The following UVRAG variants were observed in gnomAD, a reference collection of about 807,000 sequenced individuals.
UVRAG encodes UV radiation resistance associated, also known as UV radiation resistance-associated gene protein.
A neutral mutation model predicts 78.0 loss-of-function variants in UVRAG; 19 were observed. The observed-to-expected ratio is 0.24, with a 90% CI of 0.17 to 0.36. UVRAG has a LOEUF of 0.36. Ranked by LOEUF, UVRAG falls within the 10% of genes least tolerant of loss-of-function variation. The probability of loss-of-function intolerance (pLI) is 1.00; values close to 1 mark genes in which losing one functional copy is unlikely to be tolerated. For missense variants in UVRAG, 740 were observed against 853.8 expected, an observed-to-expected ratio of 0.87 and a Z score of 1.66; for synonymous variants, 323 against 324.6, an observed-to-expected ratio of 1.00 and a Z score of 0.05.
intron 12 of UVRAG, among the ~76,000 whole-genome samples, chr11:76,031,964 G>A (rs906074975): frequency 2.6e-5 from 4 of 152,094 alleles, no homozygotes; most frequent in East Asian, 3.8e-4. Flanking sequence ...TATTTTATTG[G>A]TGTTGCATGA....
At chr11:75,848,433 T>C (rs1396568657) in intron 1 of UVRAG, among the ~76,000 whole-genome samples, 1 of 152,256 alleles carries the variant, frequency 6.6e-6, no homozygotes, top group Non-Finnish European at 1.5e-5. Flanking sequence ...TGGTTTGTTC[T>C]GTTTATTCGC....
At chr11:75,955,543 C>T (rs1389354905) in intron 6 of UVRAG, among the ~76,000 whole-genome samples, 2 of 151,926 alleles carry the variant, frequency 1.3e-5, no homozygotes, top group African/African-American at 4.8e-5. Context: ...AAAATTCACA[C>T]ACAGTGAAAT....
chr11:75,957,032 G>T (rs1264235472), intron 6 of UVRAG, among the ~76,000 whole-genome samples: 3 of 151,318 alleles, frequency 2.0e-5, no homozygotes, highest in Non-Finnish European at 2.9e-5. Flanking sequence ...TTCCTAATGG[G>T]AGCTTTGTTA....
At chr11:75,830,820 A>T (rs541378228) in intron 1 of UVRAG, among the ~76,000 whole-genome samples, 1 of 152,298 alleles carries the variant, frequency 6.6e-6, no homozygotes, top group South Asian at 2.1e-4. Context: ...CTGTTCTACA[A>T]CATTATTAAT....
chr11:75,976,905 T>C (rs1384838144), intron 7 of UVRAG, among the ~76,000 whole-genome samples: 2 of 152,236 alleles, frequency 1.3e-5, no homozygotes, highest in Non-Finnish European at 2.9e-5. Context: ...TCTTGCCTTC[T>C]GCTAGCTTTT....
intron 1 of UVRAG, among the ~76,000 whole-genome samples, chr11:75,832,693 C>G (rs1945685142): frequency 6.6e-6 from 1 of 152,164 alleles, no homozygotes; most frequent in South Asian, 2.1e-4. Flanking sequence ...GTCTCCCCTC[C>G]CTGGAGGTCA....
chr11:76,048,348 T>G (rs1950802630), intron 12 of UVRAG, among the ~76,000 whole-genome samples: 1 of 152,138 alleles, frequency 6.6e-6, no homozygotes, highest in African/African-American at 2.4e-5. Flanking sequence ...GCAGAACAGG[T>G]AAAGATTAGC....
At chr11:75,899,659 G>A (rs184797546) in intron 5 of UVRAG, among the ~76,000 whole-genome samples, 159 of 152,304 alleles carry the variant, frequency 1.0e-3, no homozygotes, top group Non-Finnish European at 1.6e-3. Flanking sequence ...TAGTGTGACA[G>A]CGTACCAAGT....
At chr11:76,121,012 T>G (rs906263258) in intron 14 of UVRAG, among the ~76,000 whole-genome samples, 3 of 152,236 alleles carry the variant, frequency 2.0e-5, no homozygotes, top group Non-Finnish European at 2.9e-5. Context: ...TATGTTCTTT[T>G]GGTGTTGAGG....
At chr11:76,073,267 A>G (rs1951347384) in intron 13 of UVRAG, among the ~76,000 whole-genome samples, 1 of 152,194 alleles carries the variant, frequency 6.6e-6, no homozygotes, top group Non-Finnish European at 1.5e-5. Context: ...GGAAAAGCAC[A>G]TGTGCAATCG....
intron 13 of UVRAG, among the ~76,000 whole-genome samples, chr11:76,093,868 T>G (rs929640003): frequency 2.0e-5 from 3 of 152,244 alleles, no homozygotes; most frequent in Non-Finnish European, 4.4e-5. Context: ...CCTGCCTGAT[T>G]GCCCTGGCCA....
chr11:76,049,242 C>T (rs1950818742), intron 12 of UVRAG, among the ~76,000 whole-genome samples: 1 of 152,176 alleles, frequency 6.6e-6, no homozygotes, highest in Non-Finnish European at 1.5e-5. Context: ...CTGAGCATGA[C>T]AGTGGATTTT....
At chr11:76,102,150 G>T (rs1292408360) in intron 13 of UVRAG, among the ~76,000 whole-genome samples, 1 of 152,184 alleles carries the variant, frequency 6.6e-6, no homozygotes, top group Admixed American at 6.5e-5. Flanking sequence ...AATAGCAATT[G>T]AATCTATAAA....
intron 8 of UVRAG, among the ~76,000 whole-genome samples, chr11:75,998,822 G>C (rs529435625): frequency 8.5e-4 from 130 of 152,308 alleles, no homozygotes; most frequent in African/African-American, 3.0e-3. Flanking sequence ...GACCTCTTTT[G>C]GATATTCACA....
chr11:76,139,087 C>T (rs538140665), intron 14 of UVRAG, among the ~76,000 whole-genome samples: 22 of 152,290 alleles, frequency 1.4e-4, no homozygotes, highest in South Asian at 6.2e-4. Flanking sequence ...CCAGTGACCA[C>T]GCCTAATTAT....
At chr11:75,842,813 T>G (rs544484158) in intron 1 of UVRAG, among the ~76,000 whole-genome samples, 56 of 152,322 alleles carry the variant, frequency 3.7e-4, no homozygotes, top group African/African-American at 8.7e-4. Flanking sequence ...ACATTATTGA[T>G]GTGTAATAAC....
At chr11:75,952,743 AT>A (rs142978223) in intron 6 of UVRAG, among the ~76,000 whole-genome samples, 2 of 150,988 alleles carry the variant, frequency 1.3e-5, no homozygotes, top group Admixed American at 6.6e-5. Context: ...TTGGTCTATA[AT>A]TTTTTTTTCC....
At position 76,065,691 on chromosome 11, in the gene UVRAG, C is replaced by T. The variant is rs1255875134; in HGVS notation, c.1227-19C>T. ...TACTCAGCTTTTGAAAATATCTGAT[C>T]CTTTTTTACCTTTCTTAGGTTTCCA... On this transcript the variant is annotated intron_variant, in intron 12 of 14. Transcript: ENST00000356136. The T allele has an allele frequency of 1.9e-6, 3 of 1,610,940 alleles. No individual in the cohort carries two copies. Among genetic ancestry groups the T allele is most frequent in the Non-Finnish European group, 2.5e-6 (3 of 1,178,032 alleles).
In UVRAG at chr11:75,983,300, T is replaced by G. The variant is rs571587952; in HGVS notation, c.700-87T>G. On this transcript the variant is annotated intron_variant, in intron 7 of 14. Coordinates refer to ENST00000356136, the MANE Select transcript of UVRAG (RefSeq NM_003369.4). The stretch of plus-strand genomic sequence containing the variant: ...TGAGTATTAAAATGTTTTAAGCCAT[T>G]ATTTATTTTTAAACATTGTGAGTAT... 2 of 1,228,844 alleles carry G rather than the reference T, an allele frequency of 1.6e-6. 1 individual carries two copies. The highest frequency in any genetic ancestry group is 3.1e-5 in the African/African-American group (2 of 65,050). 76.1% of individuals were successfully genotyped at this position (1,228,844 alleles called of 1,614,324 possible).
Sources: gnomAD v4.1 joint callset for allele counts (sites outside exome capture counted in the v4.1 genomes callset) on GRCh38, gnomAD v4.1.1 for gene constraint, MANE v1.5 for transcripts, NCBI Gene and HGNC (gene_info 2026-07-23, HGNC 2026-07-21) for gene names.